Variants in ERICH1 observed in about 807,000 individuals in gnomAD.
ERICH1 encodes glutamate rich 1.
In ERICH1, 56 loss-of-function variants were observed where a neutral mutation model predicts 39.6. That is an observed-to-expected ratio of 1.41 (90% CI 1.14 to 1.77). The LOEUF (loss-of-function observed/expected upper bound fraction) is 1.77, where lower values mean the gene tolerates loss of function less well. ERICH1 is among the 40% of genes most tolerant of loss of function. ERICH1 has a pLI of 0.00. For synonymous variants in ERICH1, 313 were observed against 223.6 expected (o/e 1.40, Z -3.57); for missense variants, 826 against 575.4 (o/e 1.44, Z -4.45).
chr8:689,894 G>A (rs538514753), intron 3 of ERICH1, among the ~76,000 whole-genome samples: 72 of 152,288 alleles, frequency 4.7e-4, no homozygotes, highest in African/African-American at 1.6e-3. Context: ...TTCCTACGAC[G>A]CGCCAGGACC....
chr8:686,577 T>C (rs1267646827), intron 3 of ERICH1: 1 of 152,220 alleles, frequency 6.6e-6, no homozygotes, highest in Non-Finnish European at 1.5e-5. Flanking sequence ...ATTGGCTTCA[T>C]TAAGTCCGGG....
intron 2 of ERICH1, among the ~76,000 whole-genome samples, chr8:695,447 C>A (rs1442591695): frequency 6.6e-6 from 1 of 152,094 alleles, no homozygotes; most frequent in Non-Finnish European, 1.5e-5. Context: ...CAGAGGCCAG[C>A]CATCCCTGCC....
At chr8:708,695 T>TTTTTTTGTTTTTTTTTTTTTTG (rs1813970274) in intron 2 of ERICH1, among the ~76,000 whole-genome samples, 3 of 129,138 alleles carry the variant, frequency 2.3e-5, no homozygotes, top group Non-Finnish European at 3.3e-5. Flanking sequence ...TTTTTTTTTT[T>TTTTTTTGTTTTTTTTTTTTTTG]TTTTTTTTTT....
intron 3 of ERICH1, among the ~76,000 whole-genome samples, chr8:654,830 G>C (rs558569185): frequency 4.6e-5 from 7 of 152,262 alleles, no homozygotes; most frequent in Admixed American, 4.6e-4. Context: ...CCATGGGTTT[G>C]CCCCAGGAGA....
intron 4 of ERICH1, among the ~76,000 whole-genome samples, chr8:669,632 C>A (rs1802841241): frequency 6.6e-6 from 1 of 152,274 alleles, no homozygotes; most frequent in Non-Finnish European, 1.5e-5. Context: ...TGGTGAGACG[C>A]CTTCCCTGTC....
chr8:617,050 C>G (rs1796966189), intron 3 of ERICH1, among the ~76,000 whole-genome samples: 1 of 151,766 alleles, frequency 6.6e-6, no homozygotes, highest in Non-Finnish European at 1.5e-5. Context: ...CGAAATAATT[C>G]CGGTTCCCAC....
chr8:726,790 T>C (rs1818827012), intron 1 of ERICH1, among the ~76,000 whole-genome samples: 1 of 146,602 alleles, frequency 6.8e-6, no homozygotes, highest in Admixed American at 6.8e-5. Flanking sequence ...CACACATACA[T>C]GAACATGGAC....
intron 3 of ERICH1, among the ~76,000 whole-genome samples, chr8:634,749 T>A (rs1489512045): frequency 6.6e-6 from 1 of 152,164 alleles, no homozygotes; most frequent in Non-Finnish European, 1.5e-5. Context: ...CCACGCGGGA[T>A]GACCTTGGCG....
chr8:708,681 G>GTTTTTTGTTTTTTTTTTTTTTTTTTT lies in ERICH1; in HGVS notation c.169+7179_169+7180insAAAAAAAAAAAAAAAAAAACAAAAAA. Reference sequence around the variant, plus strand: ...GGGCTGAGTGGTTACGGGATAATGAGTTTTTTTTTTTTTTTTTTTTTTTTT... The same window carrying GTTTTTTGTTTTTTTTTTTTTTTTTTT: ...GGGCTGAGTGGTTACGGGATAATGAGTTTTTTGTTTTTTTTTTTTTTTTTTTTTTTTTTTTTTTTTTTTTTTTTTTT... On this transcript the variant is annotated intron_variant, in intron 2 of 5. Coordinates refer to ENST00000262109, the MANE Select transcript of ERICH1 (RefSeq NM_207332.3). Among the ~76,000 whole-genome samples, 63 of 65,770 alleles carry GTTTTTTGTTTTTTTTTTTTTTTTTTT rather than the reference G, an allele frequency of 9.6e-4. 4 individuals are homozygous for GTTTTTTGTTTTTTTTTTTTTTTTTTT. The highest frequency in any genetic ancestry group is 2.5e-3 in the South Asian group (4 of 1,616). The allele number at this position is 65,770 out of a possible 152,430, so 43.1% of individuals were successfully genotyped here. A position where few individuals can be genotyped will look rare whatever the true frequency, so the allele number is the denominator to read the frequency against.
intron 2 of ERICH1, among the ~76,000 whole-genome samples, chr8:709,927 G>A (rs904771869): frequency 6.6e-6 from 1 of 152,110 alleles, no homozygotes; most frequent in Non-Finnish European, 1.5e-5. Flanking sequence ...CTTTAGGTAG[G>A]TTAGAACAAA....
chr8:724,877 C>A (rs1307263438), intron 1 of ERICH1, among the ~76,000 whole-genome samples: 2 of 152,176 alleles, frequency 1.3e-5, no homozygotes. Flanking sequence ...AGCTGTACCT[C>A]CTGCACCCAC....
At chr8:668,312 A>G (rs1802595917) in intron 5 of ERICH1, 4 of 456,092 alleles carry the variant, frequency 8.8e-6, no homozygotes, top group Non-Finnish European at 1.6e-5. Flanking sequence ...GAAGAAATGA[A>G]TTCATTTCTA....
At chr8:636,773 AC>A (rs1798472385) in intron 3 of ERICH1, among the ~76,000 whole-genome samples, 1 of 152,216 alleles carries the variant, frequency 6.6e-6, no homozygotes, top group Non-Finnish European at 1.5e-5. Context: ...GAGGCCCCAG[AC>A]GTGCTCCCCT....
chr8:661,962 G>A (rs1801487102), downstream of ERICH1, among the ~76,000 whole-genome samples: 1 of 151,054 alleles, frequency 6.6e-6, no homozygotes, highest in Admixed American at 6.6e-5. Context: ...AACCTACAGG[G>A]ATTCTGTGGA....
chr8:709,335 G>A (rs985350729), intron 2 of ERICH1, among the ~76,000 whole-genome samples: 10 of 152,158 alleles, frequency 6.6e-5, no homozygotes, highest in Admixed American at 2.6e-4. Flanking sequence ...CCATGTCACC[G>A]AGGGAACCGA....
At chr8:691,542 G>A (rs971250952) in intron 3 of ERICH1, among the ~76,000 whole-genome samples, 2 of 152,248 alleles carry the variant, frequency 1.3e-5, no homozygotes, top group Non-Finnish European at 2.9e-5. Flanking sequence ...GATTAAGTAC[G>A]CAATGAAGCA....
intron 3 of ERICH1, among the ~76,000 whole-genome samples, chr8:644,011 T>C (rs1793203057): frequency 6.6e-6 from 1 of 152,228 alleles, no homozygotes; most frequent in Non-Finnish European, 1.5e-5. Flanking sequence ...GCAGGAGTCC[T>C]GTGGGCTTGG....
intron 3 of ERICH1, among the ~76,000 whole-genome samples, chr8:636,324 G>C (rs1055022746): frequency 6.6e-6 from 1 of 152,248 alleles, no homozygotes; most frequent in Non-Finnish European, 1.5e-5. Flanking sequence ...CACAACCAGG[G>C]AGCCAAGGCC....
chr8:682,444 T>A (rs168062), intron 3 of ERICH1, among the ~76,000 whole-genome samples: 137,859 of 152,256 alleles, frequency 0.91, 62,523 homozygotes, highest in South Asian at 0.95. Context: ...TTTTACCCTG[T>A]TGCACTGTGA....
Sources: gnomAD v4.1 joint callset for allele counts (sites outside exome capture counted in the v4.1 genomes callset) on GRCh38, gnomAD v4.1.1 for gene constraint, MANE v1.5 for transcripts, NCBI Gene and HGNC (gene_info 2026-07-23, HGNC 2026-07-21) for gene names.